The following TMEM9 variants were observed in gnomAD, a reference collection of about 807,000 sequenced individuals.
TMEM9 encodes transmembrane protein 9.
Under a neutral mutation model 22.8 loss-of-function variants are expected in TMEM9, and 13 were observed. The observed-to-expected ratio is 0.57, with a 90% CI of 0.37 to 0.91. The LOEUF (loss-of-function observed/expected upper bound fraction) is 0.91. TMEM9 is among the 40% of genes least tolerant of loss of function. The pLI, the probability that TMEM9 is intolerant of heterozygous loss-of-function variation, is 0.01. For missense variants in TMEM9, 182 were observed against 238.1 expected, an observed-to-expected ratio of 0.76 and a Z score of 1.55; for synonymous variants, 88 against 93.0, an observed-to-expected ratio of 0.95 and a Z score of 0.31.
Position 201,154,016 on chromosome 1 carries a change from C to G in TMEM9, c.-93G>C, listed in dbSNP as rs548236109. 2,588 of 1,451,804 alleles carry G rather than the reference C, an allele frequency of 1.8e-3. 1 individual carries two copies. The highest frequency in any genetic ancestry group is 2.0e-3 in the Non-Finnish European group (2,206 of 1,078,344). 89.9% of individuals were successfully genotyped at this position (1,451,804 alleles called of 1,614,324 possible). On this transcript the variant is annotated 5_prime_UTR_variant, in exon 1 of 5. Coordinates refer to ENST00000367330, the MANE Select transcript of TMEM9 (RefSeq NM_001288565.2). ...GAAGGTGGCCACACCGCAGCCAGCA[C>G]GCTAGGCCCTTAACCATCCGGCCAA...
chr1:201,153,825 C>T (rs1275714201), intron 1 of TMEM9, 33 bp downstream of exon 1: 2 of 1,613,424 alleles, frequency 1.2e-6, no homozygotes, highest in Non-Finnish European at 1.7e-6. Flanking sequence ...GCACTGTGGT[C>T]GTGACCAGGT....
rs1046861718 is a variant in TMEM9 at position 201,171,123 on chromosome 1, G to A, written c.-37+367C>T. ...CCGAGACTCGGGCCTCCAGCCAGCC[G>A]CCCGCTCGCTCCGTCCTTCCCCACC... On this transcript the variant is annotated intron_variant, in intron 1 of 5. Transcript: ENST00000367333. Among the ~76,000 whole-genome samples, 310 of 152,282 alleles carry A rather than the reference G, an allele frequency of 2.0e-3. 1 individual carries two copies. The highest frequency in any genetic ancestry group is 0.014 in the Middle Eastern group (4 of 294).
chr1:201,168,710 T>C (rs770085216), intron 1 of TMEM9, among the ~76,000 whole-genome samples: 15 of 152,304 alleles, frequency 9.8e-5, no homozygotes, highest in Non-Finnish European at 1.6e-4. Context: ...CAAAGTGAGA[T>C]TCTGTCTCAA....
chr1:201,150,546 T>C (rs1665342773), intron 2 of TMEM9, among the ~76,000 whole-genome samples: 1 of 152,178 alleles, frequency 6.6e-6, no homozygotes, highest in African/African-American at 2.4e-5. Flanking sequence ...GGAGATTAAG[T>C]AATTTGTCAC....
At chr1:201,143,326 C>G (rs1401475663) in intron 4 of TMEM9, among the ~76,000 whole-genome samples, 1 of 152,238 alleles carries the variant, frequency 6.6e-6, no homozygotes, top group Admixed American at 6.5e-5. Flanking sequence ...ATGTCCCCTG[C>G]CCGGCACCAC....
At chr1:201,153,688 T>C (rs16847895) in intron 1 of TMEM9, 170 bp downstream of exon 1, 240,439 of 1,507,482 alleles carry the variant, frequency 0.16, 19,965 homozygotes, top group Middle Eastern at 0.18. Flanking sequence ...GCACTATCCT[T>C]AGGGAGGCCA....
rs757981289 is a variant in TMEM9, at chr1:201,146,574, A to C, written c.267+166T>G. The C allele has an allele frequency of 4.1e-6, 3 of 730,254 alleles. No homozygotes were observed. The South Asian group carries it at 4.4e-5, about 11-fold the overall frequency. 45.2% of individuals were successfully genotyped at this position (730,254 alleles called of 1,614,324 possible). A position where few individuals can be genotyped will look rare whatever the true frequency, so the allele number is the denominator to read the frequency against. ...GCAGAGAAGGGAGCTGGCTCCAGGA[A>C]GGTGTGGGATGTGGGTCCCAGTGTC... On this transcript the variant is annotated intron_variant, in intron 3 of 4. Coordinates refer to ENST00000367330, the MANE Select transcript of TMEM9 (RefSeq NM_001288565.2).
chr1:201,165,324 C>T (rs1284873081), intron 1 of TMEM9, among the ~76,000 whole-genome samples: 2 of 151,422 alleles, frequency 1.3e-5, no homozygotes, highest in Non-Finnish European at 2.9e-5. Flanking sequence ...GGTTTGCTAC[C>T]TGGAGCCAAG....
At chr1:201,146,628 C>G in intron 3 of TMEM9, 112 bp downstream of exon 3, 4 of 1,165,344 alleles carry the variant, frequency 3.4e-6, no homozygotes, top group Admixed American at 1.7e-5. Context: ...AAGCCAGTCT[C>G]ATAGCCATTG....
In TMEM9 at chr1:201,146,724, G is replaced by A. The variant is rs775326060; in HGVS notation, c.267+16C>T. 1.9e-6 allele frequency: 3 copies of A among 1,613,232 alleles called. No homozygotes were observed. Among genetic ancestry groups the A allele is most frequent in the East Asian group, 4.5e-5 (2 of 44,874 alleles). On this transcript the variant is annotated intron_variant, in intron 3 of 4. Coordinates refer to ENST00000367330, the MANE Select transcript of TMEM9 (RefSeq NM_001288565.2). ...CGTGTGGGAATCCCACTGGCTTCCT[G>A]AGACCCTGGCGTTACCTTGATGGTG...
intron 4 of TMEM9, among the ~76,000 whole-genome samples, chr1:201,143,549 C>T (rs985470269): frequency 2.0e-5 from 3 of 152,194 alleles, no homozygotes; most frequent in Non-Finnish European, 4.4e-5. Context: ...TGGCTGGCTG[C>T]GCCCCCTCTG....
At chr1:201,159,484 TACACACACACAC>T (rs60273477), upstream of TMEM9, among the ~76,000 whole-genome samples, 3 of 147,598 alleles carry the variant, frequency 2.0e-5, no homozygotes, top group Non-Finnish European at 3.0e-5. Context: ...TGCCTTTTTA[TACACACACACAC>T]ACACACACAC....
chr1:201,160,809 G>A (rs1046584338), intron 1 of TMEM9, among the ~76,000 whole-genome samples: 1 of 151,804 alleles, frequency 6.6e-6, no homozygotes, highest in Non-Finnish European at 1.5e-5. Context: ...GGTCGCAGGT[G>A]CCTGTAGTCC....
intron 4 of TMEM9, among the ~76,000 whole-genome samples, chr1:201,140,640 T>C (rs1181151129): frequency 6.6e-6 from 1 of 152,038 alleles, no homozygotes; most frequent in African/African-American, 2.4e-5. Flanking sequence ...AAGGGGTCCC[T>C]AACCCTGAAA....
At position 201,135,756 on chromosome 1, in the gene TMEM9, G is replaced by A. The variant is rs1558101165; in HGVS notation, c.459C>T (p.Val153=). ...ASLGGPRANT[V]LERVEGAQQR... ...GCTGGGCACCTTCCACACGCTCCAG[G>A]ACTGTGTTTGCTCGGGGTCCCCCGA... is the stretch of plus-strand genomic sequence containing the variant. Residue 153 remains valine, a synonymous_variant, in exon 5 of 5, where the codon GTC becomes GTT. Coordinates refer to ENST00000367330, the MANE Select transcript of TMEM9 (RefSeq NM_001288565.2). The A allele has an allele frequency of 1.2e-6, 2 of 1,613,716 alleles. No homozygotes were observed. Among genetic ancestry groups the A allele is most frequent in the Non-Finnish European group, 8.5e-7 (1 of 1,179,800 alleles).
rs553796325 is a variant in TMEM9, at chr1:201,143,839, T to G, written c.380A>C (p.His127Pro). The change falls in exon 4 of 5, where the codon CAC (histidine) becomes CCC (proline). Residue 127 changes from histidine (H) to proline (P), a missense_variant. His to Pro is a moderately conservative substitution (Grantham distance 77). Transcript: ENST00000367330. Reference protein sequence around the residue: ...RKPDAYTEQLHNEEENEDARS... With the variant: ...RKPDAYTEQLPNEEENEDARS... ...TCTTACCTCATTCTCCTCCTCATTG[T>G]GCAGTTGCTCAGTATATGCATCCGG... 9 of 1,614,130 alleles carry G rather than the reference T, an allele frequency of 5.6e-6. No individual in the cohort carries two copies. The South Asian group carries it at 8.8e-5, about 16-fold the overall frequency.
upstream of TMEM9, among the ~76,000 whole-genome samples, chr1:201,155,901 A>G (rs757974524): frequency 2.0e-5 from 3 of 152,214 alleles, no homozygotes; most frequent in African/African-American, 7.2e-5. Context: ...GGGAGGCTCT[A>G]TAAATGGCAA....
intron 1 of TMEM9, among the ~76,000 whole-genome samples, chr1:201,162,016 T>C (rs1665956010): frequency 6.6e-6 from 1 of 152,208 alleles, no homozygotes; most frequent in East Asian, 1.9e-4. Context: ...TATATATTTA[T>C]AGGGTGATTG....
At chr1:201,163,536 G>T (rs569130187) in intron 1 of TMEM9, among the ~76,000 whole-genome samples, 3 of 151,888 alleles carry the variant, frequency 2.0e-5, no homozygotes. Flanking sequence ...GGTGCAGTGA[G>T]CCAAGATCAC....
Sources: allele counts gnomAD v4.1 joint callset (sites outside exome capture counted in the v4.1 genomes callset), GRCh38; gene constraint gnomAD v4.1.1; transcripts MANE v1.5; gene names NCBI Gene and HGNC (gene_info 2026-07-23, HGNC 2026-07-21).